FGF1: variants seen among roughly 807,000 people sequenced by gnomAD.
FGF1 encodes the protein beta-endothelial cell growth factor.
In FGF1, 9 loss-of-function variants were observed where a neutral mutation model predicts 13.4. That is an observed-to-expected ratio of 0.67 (90% CI 0.40 to 1.17). The LOEUF (loss-of-function observed/expected upper bound fraction) is 1.17, where lower values mean the gene tolerates loss of function less well. Among genes scored for constraint, FGF1 ranks in the 50% most tolerant of loss-of-function variants. FGF1 has a pLI of 0.01. For synonymous variants in FGF1, 93 were observed against 79.0 expected, an observed-to-expected ratio of 1.18 and a Z score of -0.94; for missense variants, 156 against 192.7, an observed-to-expected ratio of 0.81 and a Z score of 1.13.
chr5:142,662,300 C>G (rs945890988), intron 1 of FGF1, among the ~76,000 whole-genome samples: 2 of 152,186 alleles, frequency 1.3e-5, no homozygotes, highest in African/African-American at 2.4e-5. Flanking sequence ...ATGTTCTCAC[C>G]TCGTTCACTA....
chr5:142,696,878 G>A (rs959065905), intron 2 of FGF1, among the ~76,000 whole-genome samples: 4 of 152,160 alleles, frequency 2.6e-5, no homozygotes, highest in Admixed American at 2.6e-4. Context: ...ATAGCCCAGG[G>A]GCAGACTACA....
intron 2 of FGF1, among the ~76,000 whole-genome samples, chr5:142,606,211 T>C (rs527523075): frequency 2.7e-5 from 2 of 73,718 alleles, no homozygotes; most frequent in Admixed American, 3.4e-4. Flanking sequence ...CAACATTCTT[T>C]CTCTCTCTGT....
chr5:142,605,773 G>A (rs1177997876), intron 2 of FGF1, among the ~76,000 whole-genome samples: 1 of 152,196 alleles, frequency 6.6e-6, no homozygotes, highest in African/African-American at 2.4e-5. Flanking sequence ...CCTTCTGCAA[G>A]TAGGGCTGGC....
chr5:142,656,971 G>A (rs142609446), intron 1 of FGF1, among the ~76,000 whole-genome samples: 2,488 of 152,106 alleles, frequency 0.016, 80 homozygotes, highest in African/African-American at 0.054. Context: ...AGGCTGGAGT[G>A]CAATGGCGAG....
intron 2 of FGF1, among the ~76,000 whole-genome samples, chr5:142,695,842 C>T (rs1020930740): frequency 5.3e-5 from 8 of 152,152 alleles, no homozygotes; most frequent in Non-Finnish European, 1.0e-4. Flanking sequence ...AAACAGTAAA[C>T]TGCAATCCTG....
chr5:142,693,206 G>A (rs546600829), intron 2 of FGF1, among the ~76,000 whole-genome samples: 1 of 152,338 alleles, frequency 6.6e-6, no homozygotes, highest in South Asian at 2.1e-4. Flanking sequence ...AGAGCTTACA[G>A]GGTGAGATCA....
chr5:142,612,215 C>T (rs549879974), intron 2 of FGF1, among the ~76,000 whole-genome samples: 3 of 152,178 alleles, frequency 2.0e-5, no homozygotes, highest in Non-Finnish European at 2.9e-5. Context: ...CTGTGGACTC[C>T]AGAAGTTGTG....
chr5:142,631,913 A>G (rs1372750962), intron 1 of FGF1, among the ~76,000 whole-genome samples: 1 of 149,540 alleles, frequency 6.7e-6, no homozygotes, highest in African/African-American at 2.5e-5. Context: ...CCTCCCCATT[A>G]GCTGGGACTA....
intron 1 of FGF1, among the ~76,000 whole-genome samples, chr5:142,674,321 C>T (rs1216419361): frequency 1.3e-5 from 2 of 152,140 alleles, no homozygotes; most frequent in Admixed American, 6.5e-5. Flanking sequence ...GAGCATGGAT[C>T]GTATCTGCTC....
intron 1 of FGF1, among the ~76,000 whole-genome samples, chr5:142,632,873 G>A (rs751439291): frequency 6.6e-6 from 1 of 151,822 alleles, no homozygotes; most frequent in Non-Finnish European, 1.5e-5. Flanking sequence ...ATAGGAACAT[G>A]CAAAACTGTG....
intron 1 of FGF1, among the ~76,000 whole-genome samples, chr5:142,646,208 C>A (rs1221418621): frequency 1.8e-5 from 1 of 54,918 alleles, no homozygotes; most frequent in Non-Finnish European, 3.2e-5. Context: ...CGCACCTGGC[C>A]TTTTTTTTTT....
chr5:142,691,347 G>C (rs548870600), intron 2 of FGF1, among the ~76,000 whole-genome samples: 1 of 151,664 alleles, frequency 6.6e-6, no homozygotes, highest in African/African-American at 2.4e-5. Context: ...ACTTGAACCC[G>C]GGAGGTGGAG....
chr5:142,595,594 C>G, intron 3 of FGF1, 110 bp from the exon 4 acceptor site: 1 of 856,468 alleles, frequency 1.2e-6, no homozygotes, highest in Non-Finnish European at 1.8e-6. Flanking sequence ...CTCTCCATGC[C>G]TCAGTCTCCT....
upstream of FGF1, among the ~76,000 whole-genome samples, chr5:142,688,439 C>T (rs1751610439): frequency 6.6e-6 from 1 of 152,176 alleles, no homozygotes; most frequent in Non-Finnish European, 1.5e-5. Context: ...TTTGCAATGA[C>T]CTAGTCGAAA....
intron 1 of FGF1, among the ~76,000 whole-genome samples, chr5:142,674,302 G>A (rs1285505152): frequency 6.6e-6 from 1 of 152,184 alleles, no homozygotes. Flanking sequence ...CAGAATGTCA[G>A]TGGCTCAAGA....
At chr5:142,669,638 G>A (rs1167749357) in intron 1 of FGF1, among the ~76,000 whole-genome samples, 1 of 151,994 alleles carries the variant, frequency 6.6e-6, no homozygotes, top group Non-Finnish European at 1.5e-5. Flanking sequence ...CATCTGGCAG[G>A]ACGACTGCTG....
chr5:142,694,573 T>G (rs931258828), intron 2 of FGF1, among the ~76,000 whole-genome samples: 11 of 152,174 alleles, frequency 7.2e-5, no homozygotes, highest in Non-Finnish European at 1.3e-4. Flanking sequence ...TGGTGTTCTT[T>G]GAGATCAGAA....
chr5:142,617,046 G>T (rs1760393425), intron 1 of FGF1, among the ~76,000 whole-genome samples: 2 of 152,150 alleles, frequency 1.3e-5, no homozygotes, highest in South Asian at 4.2e-4. Flanking sequence ...ATTTGCCTCT[G>T]ATTGTGGGGC....
upstream of FGF1, chr5:142,686,454 G>A (rs1005272371): frequency 6.6e-5 from 10 of 152,440 alleles, no homozygotes; most frequent in East Asian, 1.7e-3. Context: ...TTATTTTAAC[G>A]TGGTTTGTCT....
Sources: gnomAD v4.1 joint callset for allele counts (sites outside exome capture counted in the v4.1 genomes callset) on GRCh38, gnomAD v4.1.1 for gene constraint, MANE v1.5 for transcripts, NCBI Gene and HGNC (gene_info 2026-07-23, HGNC 2026-07-21) for gene names.